Variants in CXCL13 observed in about 807,000 individuals in gnomAD.
CXCL13 encodes the protein C-X-C motif chemokine ligand 13.
In CXCL13, 7 loss-of-function variants were observed where a neutral mutation model predicts 12.2. That is an observed-to-expected ratio of 0.57 (90% CI 0.33 to 1.07). CXCL13 has a LOEUF of 1.07. Ranked by LOEUF, CXCL13 falls within the 50% of genes least tolerant of loss-of-function variation. The pLI is 0.04. For missense variants in CXCL13, 113 were observed against 127.4 expected (o/e 0.89, Z 0.55); for synonymous variants, 47 against 42.4 (o/e 1.11, Z -0.42).
At chr4:77,532,732 G>A (rs552033245) in intron 1 of CXCL13, among the ~76,000 whole-genome samples, 22 of 152,182 alleles carry the variant, frequency 1.4e-4, no homozygotes, top group African/African-American at 4.8e-4. Context: ...TTTCTTGGAT[G>A]CTTTGTTCAT....
At chr4:77,566,335 A>C (rs1205288273) in intron 1 of CXCL13, among the ~76,000 whole-genome samples, 1 of 152,228 alleles carries the variant, frequency 6.6e-6, no homozygotes, top group African/African-American at 2.4e-5. Flanking sequence ...TAAGAACATA[A>C]CTGTTACTAA....
chr4:77,555,441 T>A (rs1053201103), intron 1 of CXCL13, among the ~76,000 whole-genome samples: 1 of 152,074 alleles, frequency 6.6e-6, no homozygotes, highest in South Asian at 2.1e-4. Context: ...TTTCATTAAA[T>A]AGTGCTTGAA....
chr4:77,581,817 G>A (rs115695003), intron 1 of CXCL13, among the ~76,000 whole-genome samples: 1,852 of 152,092 alleles, frequency 0.012, 20 homozygotes, highest in South Asian at 0.02. Context: ...TGTTGAATCC[G>A]CTGCTTTCTG....
chr4:77,522,802 C>T (rs1004476540), intron 1 of CXCL13, among the ~76,000 whole-genome samples: 1 of 151,906 alleles, frequency 6.6e-6, no homozygotes, highest in African/African-American at 2.4e-5. Flanking sequence ...TTCTTCATAG[C>T]ATCGATGGTC....
At chr4:77,515,328 T>A (rs1206123979) in intron 1 of CXCL13, among the ~76,000 whole-genome samples, 1 of 152,084 alleles carries the variant, frequency 6.6e-6, no homozygotes, top group Admixed American at 6.5e-5. Context: ...AAGTAGTTTT[T>A]TCCAATTCTG....
At chr4:77,540,701 C>T (rs1363809005) in intron 1 of CXCL13, among the ~76,000 whole-genome samples, 1 of 152,146 alleles carries the variant, frequency 6.6e-6, no homozygotes, top group Admixed American at 6.5e-5. Context: ...TCTATGCCTG[C>T]TATTGTGAAT....
intron 1 of CXCL13, among the ~76,000 whole-genome samples, chr4:77,535,084 C>T (rs1346465227): frequency 6.6e-6 from 1 of 152,210 alleles, no homozygotes; most frequent in Non-Finnish European, 1.5e-5. Flanking sequence ...TTCACAGTGT[C>T]CTCACAATGT....
At chr4:77,570,083 T>C (rs1236740100) in intron 1 of CXCL13, among the ~76,000 whole-genome samples, 1 of 152,210 alleles carries the variant, frequency 6.6e-6, no homozygotes, top group East Asian at 1.9e-4. Flanking sequence ...TGCAGAAGAC[T>C]GAAACTGGAC....
chr4:77,595,302 C>G (rs1191491068), intron 1 of CXCL13, among the ~76,000 whole-genome samples: 2 of 152,136 alleles, frequency 1.3e-5, no homozygotes, highest in East Asian at 3.9e-4. Context: ...TAAAAGTATC[C>G]CTAGTTTGTA....
intron 1 of CXCL13, among the ~76,000 whole-genome samples, chr4:77,560,195 A>AC (rs1244202878): frequency 6.6e-6 from 1 of 152,152 alleles, no homozygotes; most frequent in Non-Finnish European, 1.5e-5. Flanking sequence ...TTTAATCATC[A>AC]CTTCAATTCT....
chr4:77,520,186 T>G (rs1165036212), intron 1 of CXCL13, among the ~76,000 whole-genome samples: 1 of 152,230 alleles, frequency 6.6e-6, no homozygotes, highest in African/African-American at 2.4e-5. Flanking sequence ...TAGGATTGTC[T>G]TGGCAATGCG....
chr4:77,536,006 A>G (rs879824671), intron 1 of CXCL13, among the ~76,000 whole-genome samples: 1 of 152,192 alleles, frequency 6.6e-6, no homozygotes, highest in Non-Finnish European at 1.5e-5. Flanking sequence ...GATAACTATG[A>G]TTATACTTGA....
At chr4:77,584,812 G>A (rs1038771996) in intron 1 of CXCL13, among the ~76,000 whole-genome samples, 8 of 152,168 alleles carry the variant, frequency 5.3e-5, no homozygotes, top group African/African-American at 1.9e-4. Flanking sequence ...AGTTGGGAAT[G>A]CCAATCTGCT....
intron 1 of CXCL13, among the ~76,000 whole-genome samples, chr4:77,516,162 T>C (rs980926463): frequency 2.0e-5 from 3 of 152,218 alleles, no homozygotes; most frequent in African/African-American, 7.2e-5. Context: ...TGAAGCCCAC[T>C]TGATCATGGT....
At chr4:77,605,497 T>C (rs973245731), upstream of CXCL13, among the ~76,000 whole-genome samples, 1 of 152,096 alleles carries the variant, frequency 6.6e-6, no homozygotes, top group African/African-American at 2.4e-5. Flanking sequence ...CACCCTGCAC[T>C]GAGAGAAGCA....
intron 1 of CXCL13, among the ~76,000 whole-genome samples, chr4:77,552,867 G>A (rs1725567357): frequency 6.6e-6 from 1 of 152,232 alleles, no homozygotes; most frequent in Non-Finnish European, 1.5e-5. Flanking sequence ...CGTACAGGAA[G>A]CATGAGGTGG....
At chr4:77,545,762 T>C (rs981547877) in intron 1 of CXCL13, among the ~76,000 whole-genome samples, 7 of 152,206 alleles carry the variant, frequency 4.6e-5, no homozygotes, top group Non-Finnish European at 8.8e-5. Flanking sequence ...CTGATTGCCC[T>C]GGCCAGAACT....
intron 1 of CXCL13, among the ~76,000 whole-genome samples, chr4:77,560,038 T>A (rs1725768726): frequency 2.0e-5 from 3 of 149,890 alleles, no homozygotes; most frequent in Non-Finnish European, 4.4e-5. Context: ...ACCACAGCAA[T>A]GAGGTTGTTT....
intron 1 of CXCL13, among the ~76,000 whole-genome samples, chr4:77,544,909 G>A (rs1725314451): frequency 6.6e-6 from 1 of 152,144 alleles, no homozygotes; most frequent in Admixed American, 6.5e-5. Context: ...AATCCATCTT[G>A]AATTAATTTT....
Sources: allele counts gnomAD v4.1 joint callset (sites outside exome capture counted in the v4.1 genomes callset), GRCh38; gene constraint gnomAD v4.1.1; transcripts MANE v1.5; gene names NCBI Gene and HGNC (gene_info 2026-07-23, HGNC 2026-07-21).